HLCS: variants seen among roughly 807,000 people sequenced by gnomAD.
HLCS encodes the protein biotin--protein ligase.
In HLCS, 53 loss-of-function variants were observed where a neutral mutation model predicts 75.0. That is an observed-to-expected ratio of 0.71 (90% CI 0.57 to 0.89). The LOEUF (loss-of-function observed/expected upper bound fraction) is 0.89, where lower values mean the gene tolerates loss of function less well. Ranked by LOEUF, HLCS falls within the 40% of genes least tolerant of loss-of-function variation. HLCS has a pLI of 0.00. For synonymous variants in HLCS, 431 were observed against 428.6 expected, an observed-to-expected ratio of 1.01 and a Z score of -0.07; for missense variants, 966 against 1,074.0, an observed-to-expected ratio of 0.90 and a Z score of 1.41.
chr21:36,852,211 C>T (rs1188069450), intron 6 of HLCS, among the ~76,000 whole-genome samples: 1 of 152,254 alleles, frequency 6.6e-6, no homozygotes, highest in Non-Finnish European at 1.5e-5. Flanking sequence ...GTCTCACCTT[C>T]CAGAATACAT....
At chr21:36,755,407 A>G (rs1220523548) in intron 10 of HLCS, among the ~76,000 whole-genome samples, 1 of 152,108 alleles carries the variant, frequency 6.6e-6, no homozygotes, top group Non-Finnish European at 1.5e-5. Context: ...AAAAAAAAAA[A>G]AAGTGAAAAT....
intron 1 of HLCS, chr21:36,974,383 GACAA>G (rs1279897632): frequency 6.6e-6 from 1 of 152,280 alleles, no homozygotes; most frequent in African/African-American, 2.4e-5. Flanking sequence ...GTGTGTCTAA[GACAA>G]ACAGGCCACA....
At chr21:36,965,749 T>TATG (rs2146685570) in intron 1 of HLCS, among the ~76,000 whole-genome samples, 1 of 147,900 alleles carries the variant, frequency 6.8e-6, no homozygotes, top group East Asian at 2.0e-4. Context: ...TTTTTTTTCT[T>TATG]AAGACAGGGT....
At chr21:36,887,779 C>A (rs529554714) in intron 6 of HLCS, among the ~76,000 whole-genome samples, 12 of 152,284 alleles carry the variant, frequency 7.9e-5, no homozygotes, top group Admixed American at 7.2e-4. Flanking sequence ...TTCTTTAAAA[C>A]CCTTTATTTC....
intron 5 of HLCS, among the ~76,000 whole-genome samples, chr21:36,906,580 C>T (rs2065464994): frequency 6.6e-6 from 1 of 151,406 alleles, no homozygotes; most frequent in Admixed American, 6.6e-5. Context: ...TGAAAAGATA[C>T]ACCATGTTCA....
intron 6 of HLCS, among the ~76,000 whole-genome samples, chr21:36,773,295 C>T (rs2060263324): frequency 6.6e-6 from 1 of 152,230 alleles, no homozygotes. Flanking sequence ...GGCAGCTTTC[C>T]CAGGCTGCCA....
chr21:36,791,795 G>T (rs2060874755), intron 6 of HLCS, among the ~76,000 whole-genome samples: 1 of 152,044 alleles, frequency 6.6e-6, no homozygotes, highest in Non-Finnish European at 1.5e-5. Flanking sequence ...GACACACAAG[G>T]ATTAAGTTTC....
At chr21:36,902,021 T>A (rs939470168) in intron 5 of HLCS, among the ~76,000 whole-genome samples, 9 of 152,036 alleles carry the variant, frequency 5.9e-5, no homozygotes, top group Non-Finnish European at 1.3e-4. Flanking sequence ...GTTTGGAAGG[T>A]TGGAAGACGA....
At chr21:36,879,150 T>A (rs56090854) in intron 6 of HLCS, among the ~76,000 whole-genome samples, 152,320 of 152,320 alleles carry the variant, frequency 1, 76,160 homozygotes, top group Non-Finnish European at 1. Context: ...ATAACATAAT[T>A]ATGAATATTC....
Position 36,912,475 on chromosome 21 carries a change from C to T in HLCS, c.1621-15344G>A, listed in dbSNP as rs149841907. Among the ~76,000 whole-genome samples, 1,086 of 152,018 alleles carry T rather than the reference C, an allele frequency of 7.1e-3. 12 individuals are homozygous for T. Among genetic ancestry groups the T allele is most frequent in the African/African-American group, 0.025 (1,048 of 41,442 alleles). On this transcript the variant is annotated intron_variant, in intron 5 of 10. Transcript: ENST00000674895. ...AAAATGGAAAGTAGAACAGAGGTTA[C>T]CAGGAGCCACAGGGAGAGGGGAAGG...
intron 2 of HLCS, among the ~76,000 whole-genome samples, chr21:36,941,803 G>A (rs950394626): frequency 2.0e-5 from 3 of 152,176 alleles, no homozygotes; most frequent in Non-Finnish European, 4.4e-5. Flanking sequence ...TCAGGAGCTC[G>A]AGACCAGCTT....
intron 6 of HLCS, among the ~76,000 whole-genome samples, chr21:36,850,853 C>G (rs2062974864): frequency 6.6e-6 from 1 of 152,152 alleles, no homozygotes; most frequent in African/African-American, 2.4e-5. Context: ...AGGAGCTCCC[C>G]TATCCTGGGC....
chr21:36,750,078 C>T lies in HLCS; in HGVS notation c.*4168G>A, dbSNP rs2089319876. Among the ~76,000 whole-genome samples, 1 of 152,116 alleles carries T rather than the reference C, an allele frequency of 6.6e-6. No individual in the cohort carries two copies. Among genetic ancestry groups the T allele is most frequent in the South Asian group, 2.1e-4 (1 of 4,834 alleles). On this transcript the variant is annotated 3_prime_UTR_variant, in exon 11 of 11. Coordinates refer to ENST00000674895, the MANE Select transcript of HLCS (RefSeq NM_001352514.2). ...CGGCCAGGGCTGAGTGTGAAGTCAG[C>T]AGAGCTGTTACTGTGGCAACCTAAT...
At chr21:36,910,911 G>A (rs1018189721) in intron 5 of HLCS, among the ~76,000 whole-genome samples, 3 of 152,038 alleles carry the variant, frequency 2.0e-5, no homozygotes, top group Non-Finnish European at 4.4e-5. Flanking sequence ...CCCAAGCACC[G>A]GCACACAAAA....
chr21:36,761,245 C>A (rs955941179), intron 8 of HLCS, among the ~76,000 whole-genome samples: 1 of 152,216 alleles, frequency 6.6e-6, no homozygotes, highest in African/African-American at 2.4e-5. Flanking sequence ...AGCTAAAATT[C>A]AAACCTTTCT....
intron 2 of HLCS, chr21:36,947,524 C>T: frequency 5.1e-6 from 5 of 985,326 alleles, no homozygotes; most frequent in Non-Finnish European, 6.0e-6. Context: ...GAAACAAAGG[C>T]ATGGAAAAGA....
At chr21:36,830,332 G>A (rs994422454) in intron 6 of HLCS, among the ~76,000 whole-genome samples, 3 of 152,194 alleles carry the variant, frequency 2.0e-5, no homozygotes, top group Non-Finnish European at 4.4e-5. Context: ...ATAACACACA[G>A]AGTAACATCA....
At chr21:36,953,285 C>A (rs1220885631) in intron 2 of HLCS, among the ~76,000 whole-genome samples, 2 of 152,152 alleles carry the variant, frequency 1.3e-5, no homozygotes, top group Admixed American at 6.5e-5. Context: ...AAAGAGGAAA[C>A]TGGTTGTCTC....
chr21:36,881,704 C>T (rs1684733176), intron 6 of HLCS, among the ~76,000 whole-genome samples: 1 of 152,204 alleles, frequency 6.6e-6, no homozygotes, highest in East Asian at 1.9e-4. Flanking sequence ...AAGAACTGTC[C>T]TCAGGCCAGC....
Sources: allele counts gnomAD v4.1 joint callset (sites outside exome capture counted in the v4.1 genomes callset), GRCh38; gene constraint gnomAD v4.1.1; transcripts MANE v1.5; gene names NCBI Gene and HGNC (gene_info 2026-07-23, HGNC 2026-07-21).